Variants in GRM8 observed in about 807,000 individuals in gnomAD.
The protein encoded by GRM8 is metabotropic glutamate receptor 8.
A neutral mutation model predicts 87.2 loss-of-function variants in GRM8; 47 were observed. That is an observed-to-expected ratio of 0.54 (90% CI 0.43 to 0.69). The LOEUF is 0.69. Ranked by LOEUF, GRM8 falls within the 30% of genes least tolerant of loss-of-function variation. The probability of loss-of-function intolerance (pLI) is 0.00; values close to 1 mark genes in which losing one functional copy is unlikely to be tolerated. For synonymous variants in GRM8, 396 were observed against 404.5 expected (o/e 0.98, Z 0.25); for missense variants, 1,019 against 1,139.2 (o/e 0.89, Z 1.52).
At chr7:127,067,777 G>T (rs915363231) in intron 3 of GRM8, among the ~76,000 whole-genome samples, 1 of 152,028 alleles carries the variant, frequency 6.6e-6, no homozygotes, top group Non-Finnish European at 1.5e-5. Flanking sequence ...AGTATGTCAG[G>T]TTCCATCTTT....
At chr7:126,806,963 G>A (rs977106731) in intron 6 of GRM8, among the ~76,000 whole-genome samples, 1 of 152,184 alleles carries the variant, frequency 6.6e-6, no homozygotes, top group African/African-American at 2.4e-5. Flanking sequence ...TCAGCGGTGG[G>A]CTGAAGGGCT....
At chr7:126,998,752 A>G (rs1813424712) in intron 3 of GRM8, among the ~76,000 whole-genome samples, 1 of 151,772 alleles carries the variant, frequency 6.6e-6, no homozygotes, top group Non-Finnish European at 1.5e-5. Context: ...CTGATAAAAG[A>G]CATTGAAGAT....
chr7:126,533,970 C>G, intron 8 of GRM8, 83 bp from the exon 9 acceptor site: 2 of 972,486 alleles, frequency 2.1e-6, no homozygotes, highest in Non-Finnish European at 3.1e-6. Context: ...TGTAATGAAT[C>G]ACAGAATGCT....
At chr7:126,779,195 T>C (rs1819802296) in intron 6 of GRM8, among the ~76,000 whole-genome samples, 1 of 152,106 alleles carries the variant, frequency 6.6e-6, no homozygotes, top group Admixed American at 6.5e-5. Context: ...AATGTGATAT[T>C]TGGGTTGAGA....
chr7:127,112,781 GC>G (rs1826454396), intron 2 of GRM8, among the ~76,000 whole-genome samples: 1 of 152,098 alleles, frequency 6.6e-6, no homozygotes, highest in African/African-American at 2.4e-5. Context: ...GCTTACAACT[GC>G]CACTTTGCTT....
At chr7:127,157,919 T>C (rs1307419598) in intron 2 of GRM8, among the ~76,000 whole-genome samples, 1 of 151,826 alleles carries the variant, frequency 6.6e-6, no homozygotes, top group Admixed American at 6.6e-5. Context: ...TCAGAGAAGA[T>C]GAAAGAGAAA....
chr7:126,657,016 C>G (rs1377062839), intron 7 of GRM8, among the ~76,000 whole-genome samples: 1 of 152,184 alleles, frequency 6.6e-6, no homozygotes, highest in African/African-American at 2.4e-5. Flanking sequence ...AATGTTCGTA[C>G]AGCAATTTAT....
intron 2 of GRM8, among the ~76,000 whole-genome samples, chr7:127,172,561 A>T (rs529562215): frequency 1.3e-5 from 2 of 152,154 alleles, no homozygotes; most frequent in East Asian, 3.9e-4. Context: ...AAAAAAAATT[A>T]GCCAGGTGTG....
At chr7:127,084,499 C>A (rs887001590) in intron 3 of GRM8, 1 of 152,142 alleles carries the variant, frequency 6.6e-6, no homozygotes, top group Non-Finnish European at 1.5e-5. Flanking sequence ...AACCACAGAG[C>A]ACCTTCATTA....
rs1190600603 is a variant in GRM8 at position 127,242,828 on chromosome 7, T to C, written c.377A>G (p.Lys126Arg). The C allele has an allele frequency of 1.2e-6, 2 of 1,614,176 alleles. No individual in the cohort carries two copies. Among genetic ancestry groups the C allele is most frequent in the Non-Finnish European group, 1.7e-6 (2 of 1,180,038 alleles). The change falls in exon 2 of 11, where the codon AAA becomes AGA. Residue 126 changes from lysine (K) to arginine (R), a missense_variant. Transcript: ENST00000339582. Reference protein sequence around the residue: ...SLTFVQALIEKDASDVKCANG... With the variant: ...SLTFVQALIERDASDVKCANG... ...AGCACACTTCACATCCGAAGCATCT[T>C]TCTCTATTAATGCCTGCACGAATGT...
intron 3 of GRM8, among the ~76,000 whole-genome samples, chr7:127,104,756 T>G (rs1025006852): frequency 6.6e-6 from 1 of 152,194 alleles, no homozygotes; most frequent in African/African-American, 2.4e-5. Flanking sequence ...ACAGGAGTAA[T>G]GAATGGCACC....
At chr7:126,796,569 G>A (rs990932285) in intron 6 of GRM8, among the ~76,000 whole-genome samples, 17 of 151,946 alleles carry the variant, frequency 1.1e-4, no homozygotes, top group African/African-American at 4.1e-4. Flanking sequence ...TGGCTCATAG[G>A]AACCTGGTGA....
intron 9 of GRM8, among the ~76,000 whole-genome samples, chr7:126,448,476 T>C (rs1195380997): frequency 2.6e-5 from 4 of 151,946 alleles, no homozygotes; most frequent in Non-Finnish European, 5.9e-5. Flanking sequence ...CTGCGATATA[T>C]AGTAAATTTA....
intron 6 of GRM8, among the ~76,000 whole-genome samples, chr7:126,790,164 T>C (rs970777758): frequency 6.6e-6 from 1 of 152,056 alleles, no homozygotes; most frequent in Non-Finnish European, 1.5e-5. Context: ...TGCACCACAA[T>C]GCTCAGCTAA....
chr7:127,149,833 G>A lies in GRM8; in HGVS notation c.511-43121C>T, dbSNP rs985166599. 7.9e-5 allele frequency among the ~76,000 whole-genome samples: 12 copies of A among 152,144 alleles called. No homozygotes were observed. The East Asian group carries it at 2.1e-3, about 27-fold the overall frequency. On this transcript the variant is annotated intron_variant, in intron 2 of 10. Coordinates refer to ENST00000339582, the MANE Select transcript of GRM8 (RefSeq NM_000845.3). ...AAAAAATCACATGACCTCACATGTG[G>A]AATCTAAAAAATCAGAGATAGAGAA...
At chr7:127,147,040 T>A (rs1828590024) in intron 2 of GRM8, among the ~76,000 whole-genome samples, 1 of 152,064 alleles carries the variant, frequency 6.6e-6, no homozygotes, top group East Asian at 1.9e-4. Flanking sequence ...TCTCCGTAAG[T>A]TAGATGGTAT....
chr7:126,651,439 T>C (rs548254733), intron 7 of GRM8, among the ~76,000 whole-genome samples: 1 of 152,286 alleles, frequency 6.6e-6, no homozygotes, highest in African/African-American at 2.4e-5. Context: ...TATATGGTAC[T>C]GTTTCTCCCA....
At position 126,739,731 on chromosome 7, in the gene GRM8, TTACAGTCATG is replaced by T. The variant is rs1814720925; in HGVS notation, c.1357+30124_1357+30133del. ...ACTCTGATTTAACATCAGCTATAAATTACAGTCATGCACCACACACATTTCGGTCAATAAC... is the reference window on the plus strand; with the variant it reads ...ACTCTGATTTAACATCAGCTATAAATCACCACACACATTTCGGTCAATAAC... On this transcript the variant is annotated intron_variant, in intron 7 of 10. Coordinates refer to ENST00000339582, the MANE Select transcript of GRM8 (RefSeq NM_000845.3). Among the ~76,000 whole-genome samples, 3 of 124,508 alleles carry T rather than the reference TTACAGTCATG, an allele frequency of 2.4e-5. No homozygotes were observed. The South Asian group carries it at 7.4e-4, about 31-fold the overall frequency. The allele number at this position is 124,508 out of a possible 152,430, so 81.7% of individuals were successfully genotyped here.
chr7:126,541,474 T>C (rs1562939176), intron 8 of GRM8, among the ~76,000 whole-genome samples: 1 of 152,112 alleles, frequency 6.6e-6, no homozygotes. Flanking sequence ...TGAGAGGAGT[T>C]TGGATGCCAT....
Sources: allele counts gnomAD v4.1 joint callset (sites outside exome capture counted in the v4.1 genomes callset), GRCh38; gene constraint gnomAD v4.1.1; transcripts MANE v1.5; gene names NCBI Gene and HGNC (gene_info 2026-07-23, HGNC 2026-07-21).